The following NRXN3 variants were observed in gnomAD, a reference collection of about 807,000 sequenced individuals.
NRXN3 encodes neurexin 3, also known as neurexin III.
Under a neutral mutation model 137.6 loss-of-function variants are expected in NRXN3, and 32 were observed. The observed-to-expected ratio is 0.23, with a 90% CI of 0.18 to 0.31. NRXN3 has a LOEUF of 0.31. Ranked by LOEUF, NRXN3 falls within the 10% of genes least tolerant of loss-of-function variation. NRXN3 has a pLI of 1.00. For synonymous variants in NRXN3, 798 were observed against 784.5 expected (o/e 1.02, Z -0.29); for missense variants, 1,574 against 2,062.5 (o/e 0.76, Z 4.59).
At chr14:78,970,792 T>C (rs1235316770) in intron 14 of NRXN3, among the ~76,000 whole-genome samples, 3 of 152,194 alleles carry the variant, frequency 2.0e-5, no homozygotes, top group Non-Finnish European at 4.4e-5. Context: ...CCGACCTTCC[T>C]CTGAGTATGG....
chr14:78,998,804 A>G (rs1412713485), intron 15 of NRXN3, among the ~76,000 whole-genome samples: 1 of 135,506 alleles, frequency 7.4e-6, no homozygotes, highest in African/African-American at 2.8e-5. Flanking sequence ...GGGTTTCACC[A>G]TGTTGGCCAG....
chr14:79,135,999 T>A (rs2058184414), intron 15 of NRXN3, among the ~76,000 whole-genome samples: 1 of 152,198 alleles, frequency 6.6e-6, no homozygotes, highest in Admixed American at 6.5e-5. Flanking sequence ...TCAGGTAGTA[T>A]CTGATTGACT....
At position 78,736,959 on chromosome 14, in the gene NRXN3, T is replaced by A. The variant is rs77787447; in HGVS notation, c.2044+21820T>A. On this transcript the variant is annotated intron_variant, in intron 8 of 20. Coordinates refer to ENST00000335750, the MANE Select transcript of NRXN3 (RefSeq NM_001330195.2). ...ATATTTTATCATTTCAGAAAAGACTTCCTGGTAGATTACATGAACTGTTAA... is the reference window on the plus strand; with the variant it reads ...ATATTTTATCATTTCAGAAAAGACTACCTGGTAGATTACATGAACTGTTAA... Among the ~76,000 whole-genome samples, 741 of 152,274 alleles carry A rather than the reference T, an allele frequency of 4.9e-3. 2 individuals carry two copies. The highest frequency in any genetic ancestry group is 0.045 in the Middle Eastern group (13 of 292).
At chr14:79,434,891 C>G (rs1600236497) in intron 15 of NRXN3, among the ~76,000 whole-genome samples, 1 of 152,124 alleles carries the variant, frequency 6.6e-6, no homozygotes, top group African/African-American at 2.4e-5. Flanking sequence ...CCTCCCGTGC[C>G]CATCCAAACA....
chr14:79,253,350 A>C (rs2076182143), intron 15 of NRXN3, among the ~76,000 whole-genome samples: 1 of 152,184 alleles, frequency 6.6e-6, no homozygotes. Flanking sequence ...TGGGGAATAC[A>C]GTAAAAGCTT....
intron 15 of NRXN3, among the ~76,000 whole-genome samples, chr14:79,447,405 C>T (rs1346415842): frequency 6.6e-6 from 1 of 152,138 alleles, no homozygotes; most frequent in Non-Finnish European, 1.5e-5. Flanking sequence ...CAAATGGCTA[C>T]TGATTTTCTT....
chr14:79,014,899 T>C (rs564903491), intron 15 of NRXN3, among the ~76,000 whole-genome samples: 1 of 152,282 alleles, frequency 6.6e-6, no homozygotes, highest in Admixed American at 6.5e-5. Context: ...TCAACTCATT[T>C]AAGTTCGCTT....
intron 15 of NRXN3, among the ~76,000 whole-genome samples, chr14:79,339,548 T>C (rs1450533437): frequency 4.6e-5 from 7 of 152,234 alleles, no homozygotes; most frequent in Admixed American, 1.3e-4. Flanking sequence ...CTGGACCACC[T>C]GCATTAGCAT....
chr14:79,688,557 T>C (rs1224539652), intron 17 of NRXN3, among the ~76,000 whole-genome samples: 1 of 152,192 alleles, frequency 6.6e-6, no homozygotes, highest in Non-Finnish European at 1.5e-5. Context: ...AGTCTCACCT[T>C]AAAGAGGAAT....
chr14:78,618,533 G>A (rs183263306), intron 4 of NRXN3, among the ~76,000 whole-genome samples: 5 of 152,266 alleles, frequency 3.3e-5, no homozygotes, highest in East Asian at 1.9e-4. Context: ...CGCAGTCACC[G>A]TCCCTCTGGA....
rs552766230 is a variant in NRXN3 at position 79,841,181 on chromosome 14, T to C, written c.4094-20161T>C. 6.6e-5 allele frequency among the ~76,000 whole-genome samples: 10 copies of C among 152,318 alleles called. No individual in the cohort carries two copies. The South Asian group carries it at 1.0e-3, about 16-fold the overall frequency. ...TGGAGTCTTGGGCAAACTTTTCATC[T>C]TTTTATGTAAAACTGATTTCCATTA... On this transcript the variant is annotated intron_variant, in intron 20 of 20. Transcript: ENST00000335750.
chr14:79,724,303 TG>T (rs1317554248), intron 19 of NRXN3, among the ~76,000 whole-genome samples: 13 of 152,126 alleles, frequency 8.5e-5, no homozygotes, highest in Non-Finnish European at 1.6e-4. Context: ...ACATTTTTAG[TG>T]GTATCCTAAC....
intron 14 of NRXN3, among the ~76,000 whole-genome samples, chr14:78,975,991 T>C (rs2099464529): frequency 6.6e-6 from 1 of 152,254 alleles, no homozygotes; most frequent in Non-Finnish European, 1.5e-5. Context: ...GTGCAGTCTT[T>C]GTATCAGTGT....
intron 4 of NRXN3, among the ~76,000 whole-genome samples, chr14:78,593,545 G>A (rs1302249170): frequency 1.3e-5 from 2 of 152,212 alleles, no homozygotes; most frequent in African/African-American, 4.8e-5. Context: ...ACTTTCCTGA[G>A]ACTGGAGTCC....
chr14:79,055,823 A>G (rs998128146), intron 15 of NRXN3, among the ~76,000 whole-genome samples: 2 of 152,128 alleles, frequency 1.3e-5, no homozygotes, highest in African/African-American at 2.4e-5. Context: ...GCACTTGGAG[A>G]CAGTGCAGGT....
At chr14:78,737,856 G>C (rs2098547801) in intron 8 of NRXN3, among the ~76,000 whole-genome samples, 1 of 152,060 alleles carries the variant, frequency 6.6e-6, no homozygotes, top group Admixed American at 6.5e-5. Context: ...AGTGACCTGG[G>C]TATAGTAGGT....
Position 78,285,850 on chromosome 14 carries a change from G to C in NRXN3, c.727+7188G>C, listed in dbSNP as rs77424828. Among the ~76,000 whole-genome samples the C allele has an allele frequency of 2.2e-4, 34 of 152,300 alleles. 1 individual carries two copies. The East Asian group carries it at 6.4e-3, about 29-fold the overall frequency. ...CTGCAGGGAAATCTACCTCCATTGC[G>C]TGTAATTAGATTGGAAGGGGGCCCT... On this transcript the variant is annotated intron_variant, in intron 3 of 20. Transcript: ENST00000335750.
chr14:79,204,170 C>T (rs1031210738), intron 15 of NRXN3, among the ~76,000 whole-genome samples: 3 of 151,898 alleles, frequency 2.0e-5, no homozygotes, highest in African/African-American at 7.3e-5. Flanking sequence ...AAAAGATTTC[C>T]ATTACAAAGA....
At chr14:79,584,385 T>C (rs1401036462) in intron 16 of NRXN3, among the ~76,000 whole-genome samples, 1 of 152,198 alleles carries the variant, frequency 6.6e-6, no homozygotes, top group Non-Finnish European at 1.5e-5. Flanking sequence ...AATACCCTAC[T>C]CTTCACAGAT....
Sources: allele counts gnomAD v4.1 joint callset (sites outside exome capture counted in the v4.1 genomes callset), GRCh38; gene constraint gnomAD v4.1.1; transcripts MANE v1.5; gene names NCBI Gene and HGNC (gene_info 2026-07-23, HGNC 2026-07-21).